HDAC9: variants seen among roughly 807,000 people sequenced by gnomAD.
HDAC9 encodes the protein histone deacetylase 9, also known as MEF-2 interacting transcription repressor (MITR) protein.
Under a neutral mutation model 139.4 loss-of-function variants are expected in HDAC9, and 41 were observed. The ratio of observed to expected loss-of-function variants is 0.29; its 90% CI spans 0.23 to 0.38. The LOEUF is 0.38. Among genes scored for constraint, HDAC9 ranks in the 10% least tolerant of loss-of-function variants. The pLI is 1.00. For missense variants in HDAC9, 1,147 were observed against 1,297.0 expected, an observed-to-expected ratio of 0.88 and a Z score of 1.78; for synonymous variants, 517 against 476.2, an observed-to-expected ratio of 1.09 and a Z score of -1.12.
intron 1 of HDAC9, among the ~76,000 whole-genome samples, chr7:18,143,654 C>T (rs763685784): frequency 9.2e-5 from 14 of 151,842 alleles, no homozygotes; most frequent in African/African-American, 1.9e-4. Context: ...GGCGTGGTGG[C>T]GGGCACCTGT....
At chr7:18,097,077 T>C (rs1182438732) in intron 1 of HDAC9, among the ~76,000 whole-genome samples, 2 of 152,240 alleles carry the variant, frequency 1.3e-5, no homozygotes, top group African/African-American at 4.8e-5. Flanking sequence ...GTCTTTGAAA[T>C]TTAGCAAATG....
At chr7:18,654,161 A>G (rs889127729) in intron 11 of HDAC9, among the ~76,000 whole-genome samples, 2 of 152,202 alleles carry the variant, frequency 1.3e-5, no homozygotes, top group Non-Finnish European at 2.9e-5. Context: ...GTTATACTTC[A>G]TATTCTCAAA....
intron 1 of HDAC9, among the ~76,000 whole-genome samples, chr7:18,384,588 C>T (rs979455248): frequency 3.3e-5 from 5 of 152,044 alleles, no homozygotes; most frequent in Admixed American, 1.3e-4. Flanking sequence ...TACATAATGG[C>T]GTTCTGCTTT....
intron 2 of HDAC9, among the ~76,000 whole-genome samples, chr7:18,190,661 T>C (rs771125998): frequency 9.2e-5 from 14 of 152,220 alleles, no homozygotes; most frequent in Non-Finnish European, 1.3e-4. Flanking sequence ...TACGCTATCA[T>C]TGAAATAGCT....
At position 18,714,127 on chromosome 7, in the gene HDAC9, C is replaced by T. The variant is rs183069478; in HGVS notation, c.1732-13453C>T. Among the ~76,000 whole-genome samples, 16 of 152,216 alleles carry T rather than the reference C, an allele frequency of 1.1e-4. No individual in the cohort carries two copies. In the East Asian group the frequency reaches 3.1e-3, roughly 29 times the overall value. On this transcript the variant is annotated intron_variant, in intron 12 of 25. Coordinates refer to ENST00000686413, the MANE Select transcript of HDAC9 (RefSeq NM_178425.4). ...CTCTGAGAGTTCAAATAAAGTTTTC[C>T]TAATTTGCATCTTTGTAAAGTGGTA...
At chr7:18,765,489 G>A (rs955297767) in intron 15 of HDAC9, among the ~76,000 whole-genome samples, 2 of 152,016 alleles carry the variant, frequency 1.3e-5, no homozygotes, top group Non-Finnish European at 2.9e-5. Flanking sequence ...GCATGGTGAT[G>A]CGCACCTGTA....
At chr7:18,649,389 T>G (rs149668999) in intron 11 of HDAC9, among the ~76,000 whole-genome samples, 5 of 152,214 alleles carry the variant, frequency 3.3e-5, no homozygotes, top group African/African-American at 1.2e-4. Context: ...TTCCACTACT[T>G]TTTGCTGTGG....
chr7:18,920,559 C>G (rs77590188), intron 22 of HDAC9, among the ~76,000 whole-genome samples: 36,835 of 151,966 alleles, frequency 0.24, 4,878 homozygotes, highest in East Asian at 0.37. Context: ...AGAGGGCATC[C>G]CTGTCTTGTG....
intron 22 of HDAC9, among the ~76,000 whole-genome samples, chr7:18,913,524 T>C (rs1307773170): frequency 6.6e-6 from 1 of 152,094 alleles, no homozygotes; most frequent in Non-Finnish European, 1.5e-5. Context: ...ATAATATGCG[T>C]AATTTTCTTT....
chr7:18,148,076 A>G (rs1225208998), intron 1 of HDAC9, among the ~76,000 whole-genome samples: 1 of 152,116 alleles, frequency 6.6e-6, no homozygotes, highest in African/African-American at 2.4e-5. Flanking sequence ...TCTCAAGAAG[A>G]TGTTGGGGAA....
At chr7:18,680,819 G>A (rs1170618800) in intron 12 of HDAC9, among the ~76,000 whole-genome samples, 1 of 151,978 alleles carries the variant, frequency 6.6e-6, no homozygotes, top group African/African-American at 2.4e-5. Flanking sequence ...ACAATATCTT[G>A]GCTTTGTTTG....
intron 1 of HDAC9, among the ~76,000 whole-genome samples, chr7:18,303,061 G>A (rs887345157): frequency 6.6e-6 from 1 of 151,926 alleles, no homozygotes; most frequent in Non-Finnish European, 1.5e-5. Flanking sequence ...GTAGCATAAA[G>A]AAGCCATTAA....
chr7:18,657,469 A>G (rs1791601371), intron 11 of HDAC9, among the ~76,000 whole-genome samples: 1 of 152,154 alleles, frequency 6.6e-6, no homozygotes. Flanking sequence ...TTCTACTCTT[A>G]AAGAGAAAAG....
chr7:18,189,413 A>G (rs1013365418), intron 2 of HDAC9, among the ~76,000 whole-genome samples: 4 of 152,200 alleles, frequency 2.6e-5, no homozygotes. Flanking sequence ...TGGCACATAT[A>G]TACCTATGTG....
chr7:18,266,482 C>T (rs552455668), intron 2 of HDAC9, among the ~76,000 whole-genome samples: 2 of 152,208 alleles, frequency 1.3e-5, no homozygotes, highest in African/African-American at 4.8e-5. Context: ...AGTACCTTTC[C>T]TCAGGACAGA....
chr7:18,800,337 T>A (rs775154049), intron 17 of HDAC9, among the ~76,000 whole-genome samples: 8 of 152,192 alleles, frequency 5.3e-5, no homozygotes, highest in Non-Finnish European at 4.4e-5. Context: ...CACTAGATCT[T>A]GACATTTTCT....
At chr7:18,772,035 A>C (rs889380403) in intron 16 of HDAC9, among the ~76,000 whole-genome samples, 1 of 152,164 alleles carries the variant, frequency 6.6e-6, no homozygotes, top group African/African-American at 2.4e-5. Flanking sequence ...CTCAATCTCA[A>C]TTGCTCACAG....
intron 16 of HDAC9, among the ~76,000 whole-genome samples, chr7:18,767,663 T>G (rs1410009671): frequency 5.3e-5 from 8 of 152,202 alleles, no homozygotes; most frequent in South Asian, 2.1e-4. Context: ...TAAGGAAGCC[T>G]TTTGACTCAA....
intron 22 of HDAC9, among the ~76,000 whole-genome samples, chr7:18,897,562 A>G (rs888446437): frequency 2.6e-5 from 4 of 151,900 alleles, no homozygotes; most frequent in African/African-American, 7.2e-5. Context: ...ATATCTAATA[A>G]TCATATTTGT....
Sources: allele counts gnomAD v4.1 joint callset (sites outside exome capture counted in the v4.1 genomes callset), GRCh38; gene constraint gnomAD v4.1.1; transcripts MANE v1.5; gene names NCBI Gene and HGNC (gene_info 2026-07-23, HGNC 2026-07-21).